PRMT2: variants seen among roughly 807,000 people sequenced by gnomAD.
PRMT2 encodes the protein protein arginine methyltransferase 2, also known as protein arginine N-methyltransferase 2.
In PRMT2, 26 loss-of-function variants were observed where a neutral mutation model predicts 57.6. The observed-to-expected ratio is 0.45, with a 90% CI of 0.33 to 0.63. The LOEUF (loss-of-function observed/expected upper bound fraction) is 0.63. Among genes scored for constraint, PRMT2 ranks in the 20% least tolerant of loss-of-function variants. PRMT2 has a pLI of 0.02. For synonymous variants in PRMT2, 219 were observed against 220.0 expected, an observed-to-expected ratio of 1.00 and a Z score of 0.04; for missense variants, 472 against 564.4, an observed-to-expected ratio of 0.84 and a Z score of 1.66.
chr21:46,646,900 T>A (rs1020014091), intron 5 of PRMT2, among the ~76,000 whole-genome samples: 1 of 152,224 alleles, frequency 6.6e-6, no homozygotes, highest in Non-Finnish European at 1.5e-5. Context: ...GGGAAGGCAT[T>A]GGCATTGGTG....
chr21:46,662,002 A>ATGGGGCGGGCAGGAGGGGG (rs2061634115), intron 10 of PRMT2, 66 bp downstream of exon 10: 1 of 97,518 alleles, frequency 1.0e-5, no homozygotes. Context: ...GGGTGCGGGG[A>ATGGGGCGGGCAGGAGGGGG]TGGGGCGCGC....
intron 3 of PRMT2, among the ~76,000 whole-genome samples, chr21:46,637,376 C>T (rs1385681425): frequency 6.6e-6 from 1 of 152,214 alleles, no homozygotes; most frequent in African/African-American, 2.4e-5. Context: ...ACTGTTTCTG[C>T]CTGGGGTACT....
intron 11 of PRMT2, among the ~76,000 whole-genome samples, 199 bp from the exon 12 acceptor site, chr21:46,664,096 A>G (rs900978045): frequency 1.6e-4 from 24 of 152,226 alleles, no homozygotes; most frequent in Non-Finnish European, 3.2e-4. Flanking sequence ...CAAAGAAAAT[A>G]AAAATAAATG....
chr21:46,654,628 TAACAA>T (rs1399026827), intron 7 of PRMT2, among the ~76,000 whole-genome samples: 2 of 152,112 alleles, frequency 1.3e-5, no homozygotes, highest in Non-Finnish European at 2.9e-5. Flanking sequence ...AAAATAAAAA[TAACAA>T]TACAACAATA....
intron 10 of PRMT2, among the ~76,000 whole-genome samples, chr21:46,663,041 G>T (rs944292182): frequency 6.6e-6 from 1 of 152,128 alleles, no homozygotes; most frequent in African/African-American, 2.4e-5. Context: ...CTGAGCTCCC[G>T]CATCCTCTGG....
chr21:46,649,443 C>T lies in PRMT2; in HGVS notation c.490-132C>T. On this transcript the variant is annotated intron_variant, in intron 6 of 11. Coordinates refer to ENST00000355680, the MANE Select transcript of PRMT2 (RefSeq NM_206962.4). The surrounding 1 kb of genome is among the most constrained non-coding windows in gnomAD (Gnocchi z 4.8). ...GGCAGGTGTGGCCAGTCCTCGCTGC[C>T]TCTGCTGTCTGGAATGCTGCTTCCC... 1.4e-6 allele frequency: 2 copies of T among 1,452,590 alleles called. No individual in the cohort carries two copies. Among genetic ancestry groups the T allele is most frequent in the South Asian group, 1.2e-5 (1 of 86,486 alleles). 90.0% of individuals were successfully genotyped at this position (1,452,590 alleles called of 1,614,324 possible). A position where few individuals can be genotyped will look rare whatever the true frequency, so the allele number is the denominator to read the frequency against.
At position 46,663,383 on chromosome 21, in the gene PRMT2, C is replaced by A; in HGVS notation, c.1098C>A (p.Pro366=). 3 of 1,610,426 alleles carry A rather than the reference C, an allele frequency of 1.9e-6. No individual in the cohort carries two copies. Among genetic ancestry groups the A allele is most frequent in the Non-Finnish European group, 2.5e-6 (3 of 1,177,356 alleles). Residue 366 remains proline (P), a splice_region_variant and synonymous_variant, in exon 11 of 12, where the codon CCC becomes CCA. Coordinates refer to ENST00000355680, the MANE Select transcript of PRMT2 (RefSeq NM_206962.4). ...PQVLSTGPFH[P]TTHWKQTLFM... ...GGTCACACGCACCCCTGTCTTGCAGCACCACACACTGGAAGCAGACGCTGT... is the reference window on the plus strand; with the variant it reads ...GGTCACACGCACCCCTGTCTTGCAGAACCACACACTGGAAGCAGACGCTGT...
intron 5 of PRMT2, among the ~76,000 whole-genome samples, chr21:46,647,092 T>TGAA (rs890388192): frequency 6.6e-6 from 1 of 152,190 alleles, no homozygotes; most frequent in Non-Finnish European, 1.5e-5. Flanking sequence ...TGATGGTGTG[T>TGAA]GAAAGCTCAT....
chr21:46,664,090 G>GA (rs2061669072), intron 11 of PRMT2, among the ~76,000 whole-genome samples: 1 of 152,278 alleles, frequency 6.6e-6, no homozygotes, highest in South Asian at 2.1e-4. Context: ...ATGTGGCAAA[G>GA]AAAATAAAAA....
At chr21:46,654,182 A>G (rs1032422367) in intron 7 of PRMT2, 1 of 965,626 alleles carries the variant, frequency 1.0e-6, no homozygotes, top group Non-Finnish European at 1.2e-6. Context: ...AATTTATGTT[A>G]AAAAATGTTC....
intron 5 of PRMT2, among the ~76,000 whole-genome samples, chr21:46,645,905 G>T (rs904578481): frequency 1.3e-5 from 2 of 151,768 alleles, no homozygotes; most frequent in Non-Finnish European, 2.9e-5. Context: ...TTAATGAGGG[G>T]GTTTTGCCAT....
intron 7 of PRMT2, among the ~76,000 whole-genome samples, chr21:46,656,646 C>T (rs1363739045): frequency 6.6e-6 from 1 of 151,922 alleles, no homozygotes; most frequent in Non-Finnish European, 1.5e-5. Context: ...AAAACAACAC[C>T]TCAACCTCAC....
intron 3 of PRMT2, among the ~76,000 whole-genome samples, chr21:46,639,068 AAAAT>A (rs1274602221): frequency 1.3e-5 from 2 of 152,190 alleles, no homozygotes; most frequent in Non-Finnish European, 2.9e-5. Context: ...TTCATTCTTC[AAAAT>A]ATTTTCTAAT....
intron 8 of PRMT2, chr21:46,660,263 G>A (rs1217274537): frequency 1.5e-6 from 1 of 669,824 alleles, no homozygotes; most frequent in Non-Finnish European, 1.8e-6. Context: ...CAGGGGCCAT[G>A]CGGCGTCTAG....
chr21:46,644,059 A>G (rs1429981229), intron 4 of PRMT2, among the ~76,000 whole-genome samples: 1 of 152,196 alleles, frequency 6.6e-6, no homozygotes, highest in East Asian at 1.9e-4. Flanking sequence ...CTCCTAAGCC[A>G]TTTGAAAATG....
chr21:46,661,139 CT>C, intron 9 of PRMT2, 177 bp downstream of exon 9: 1 of 588,418 alleles, frequency 1.7e-6, no homozygotes, highest in African/African-American at 1.9e-5. Context: ...TTTTTCCAGT[CT>C]TTTTTCTTTT....
chr21:46,661,903 C>G lies in PRMT2; in HGVS notation c.1064C>G (p.Pro355Arg). ...VHFQSLQEGQ[P>R]PQVLSTGPFH... is the part of the protein sequence containing the mutation. ...TTCCAGAGCCTGCAGGAGGGGCAGC[C>G]GCCGCAGGTGCTCAGCACCGGGCCC... The change falls in exon 10 of 12, where the codon CCG becomes CGG. Residue 355 changes from proline (P) to arginine (R), a missense_variant. By Grantham distance (103) the Pro-to-Arg change is moderately radical. Coordinates refer to ENST00000355680, the MANE Select transcript of PRMT2 (RefSeq NM_206962.4). The G allele has an allele frequency of 6.8e-7, 1 of 1,461,658 alleles. No homozygotes were observed. The highest frequency in any genetic ancestry group is 2.8e-5 in the East Asian group (1 of 35,886). 90.5% of individuals were successfully genotyped at this position (1,461,658 alleles called of 1,614,324 possible).
At position 46,664,953 on chromosome 21, in the gene PRMT2, TGTG is replaced by T. The variant is rs1321673924; in HGVS notation, c.*627_*629del. 1 of 153,040 alleles carries T rather than the reference TGTG, an allele frequency of 6.5e-6. No homozygotes were observed. The highest frequency in any genetic ancestry group is 2.4e-5 in the African/African-American group (1 of 41,480). 9.5% of individuals were successfully genotyped at this position (153,040 alleles called of 1,614,324 possible). Reference sequence around the variant, plus strand: ...ATATTTTTAAATGAGTGAATGTCATTGTGTATCCTGTTTTATGCATATATGTTA... The same window carrying T: ...ATATTTTTAAATGAGTGAATGTCATTTATCCTGTTTTATGCATATATGTTA... On this transcript the variant is annotated 3_prime_UTR_variant, in exon 12 of 12. Transcript: ENST00000355680.
At chr21:46,651,666 C>CACCATTACT (rs2061455096) in intron 7 of PRMT2, 14 of 970,758 alleles carry the variant, frequency 1.4e-5, no homozygotes, top group Non-Finnish European at 2.1e-5. Flanking sequence ...CCAAGGAGGC[C>CACCATTACT]CAGAACAGGG....
Sources: allele counts gnomAD v4.1 joint callset (sites outside exome capture counted in the v4.1 genomes callset), GRCh38; gene constraint gnomAD v4.1.1; non-coding constraint Gnocchi (gnomAD v3.1); transcripts MANE v1.5; gene names NCBI Gene and HGNC (gene_info 2026-07-23, HGNC 2026-07-21).